KCNH7: variants seen among roughly 807,000 people sequenced by gnomAD.
KCNH7 encodes the protein voltage-gated inwardly rectifying potassium channel KCNH7.
A neutral mutation model predicts 120.8 loss-of-function variants in KCNH7; 49 were observed. The observed-to-expected ratio is 0.41, with a 90% CI of 0.32 to 0.51. The LOEUF is 0.51. Among genes scored for constraint, KCNH7 ranks in the 20% least tolerant of loss-of-function variants. The probability of loss-of-function intolerance (pLI) is 0.38; values close to 1 mark genes in which losing one functional copy is unlikely to be tolerated. For missense variants in KCNH7, 1,097 were observed against 1,446.6 expected, an observed-to-expected ratio of 0.76 and a Z score of 3.92; for synonymous variants, 547 against 516.1, an observed-to-expected ratio of 1.06 and a Z score of -0.81.
At chr2:162,775,437 T>A (rs1313397149) in intron 2 of KCNH7, among the ~76,000 whole-genome samples, 1 of 152,110 alleles carries the variant, frequency 6.6e-6, no homozygotes, top group Non-Finnish European at 1.5e-5. Flanking sequence ...CATTGATGAG[T>A]TGTGGTTTGG....
intron 2 of KCNH7, among the ~76,000 whole-genome samples, chr2:162,640,928 A>T (rs1385941571): frequency 6.6e-6 from 1 of 152,168 alleles, no homozygotes; most frequent in Non-Finnish European, 1.5e-5. Context: ...ACATGAAAAA[A>T]GTTCCACCTC....
At chr2:162,724,369 A>G (rs905516538) in intron 2 of KCNH7, among the ~76,000 whole-genome samples, 3 of 152,216 alleles carry the variant, frequency 2.0e-5, no homozygotes, top group African/African-American at 7.2e-5. Context: ...ACAAAATAGA[A>G]TAAACATAAG....
chr2:162,559,422 C>G (rs1182420238), intron 2 of KCNH7, among the ~76,000 whole-genome samples: 1 of 152,096 alleles, frequency 6.6e-6, no homozygotes, highest in Non-Finnish European at 1.5e-5. Context: ...TTAAATTATG[C>G]CAGAAACTGC....
intron 2 of KCNH7, among the ~76,000 whole-genome samples, chr2:162,681,049 T>C (rs1685693404): frequency 6.6e-6 from 1 of 151,854 alleles, no homozygotes; most frequent in African/African-American, 2.4e-5. Flanking sequence ...TAGTCTTTTA[T>C]ACGGTGATTA....
chr2:162,745,374 C>A (rs1214434803), intron 2 of KCNH7, among the ~76,000 whole-genome samples: 1 of 151,996 alleles, frequency 6.6e-6, no homozygotes, highest in African/African-American at 2.4e-5. Flanking sequence ...AATGTCTTTA[C>A]CTGAAGGCTT....
At chr2:162,672,822 C>A (rs74969484) in intron 2 of KCNH7, among the ~76,000 whole-genome samples, 3,278 of 151,820 alleles carry the variant, frequency 0.022, 136 homozygotes, top group African/African-American at 0.073. Flanking sequence ...TAGGCAAATT[C>A]TAGTATTTCA....
intron 2 of KCNH7, among the ~76,000 whole-genome samples, chr2:162,551,743 C>T (rs928399376): frequency 6.6e-6 from 1 of 152,054 alleles, no homozygotes; most frequent in Non-Finnish European, 1.5e-5. Flanking sequence ...ACTTAAAGTA[C>T]TCAAGGTATA....
chr2:162,442,228 G>A (rs902956206), intron 7 of KCNH7, among the ~76,000 whole-genome samples: 3 of 151,338 alleles, frequency 2.0e-5, no homozygotes, highest in Admixed American at 6.6e-5. Context: ...GGGTTTCACC[G>A]TGTTAGACAG....
intron 2 of KCNH7, among the ~76,000 whole-genome samples, chr2:162,758,624 T>C (rs1167449499): frequency 1.3e-5 from 2 of 152,114 alleles, no homozygotes; most frequent in African/African-American, 2.4e-5. Context: ...CACATATTTG[T>C]ATATACCCAT....
At chr2:162,769,604 CA>C (rs1413924182) in intron 2 of KCNH7, among the ~76,000 whole-genome samples, 1 of 151,880 alleles carries the variant, frequency 6.6e-6, no homozygotes, top group Non-Finnish European at 1.5e-5. Context: ...AGGAACAGAC[CA>C]CCTACCAACT....
intron 2 of KCNH7, among the ~76,000 whole-genome samples, chr2:162,824,300 T>G (rs1685211961): frequency 6.6e-6 from 1 of 152,150 alleles, no homozygotes; most frequent in Admixed American, 6.6e-5. Flanking sequence ...CTGCTTACTC[T>G]GGAAACATGA....
intron 2 of KCNH7, among the ~76,000 whole-genome samples, chr2:162,791,959 A>G (rs998724356): frequency 1.3e-5 from 2 of 152,018 alleles, no homozygotes; most frequent in African/African-American, 4.8e-5. Context: ...TATTCCTTCA[A>G]TACCTAATTT....
At chr2:162,831,463 G>T (rs1485579451) in intron 2 of KCNH7, among the ~76,000 whole-genome samples, 1 of 152,152 alleles carries the variant, frequency 6.6e-6, no homozygotes, top group Admixed American at 6.5e-5. Context: ...TTGGTGACCA[G>T]TTGGCTTTAG....
chr2:162,465,895 T>C (rs1177056142), intron 6 of KCNH7, among the ~76,000 whole-genome samples: 1 of 152,170 alleles, frequency 6.6e-6, no homozygotes, highest in African/African-American at 2.4e-5. Context: ...ACTTTTAAAC[T>C]CCATCATCAA....
intron 6 of KCNH7, among the ~76,000 whole-genome samples, chr2:162,450,345 G>A (rs914537923): frequency 2.0e-5 from 3 of 152,072 alleles, no homozygotes; most frequent in South Asian, 2.1e-4. Flanking sequence ...TAACAATGGA[G>A]TGTGTTTTGA....
Position 162,752,930 on chromosome 2 carries a change from A to AAAGAG in KCNH7, c.307+83606_307+83607insCTCTT, listed in dbSNP as rs1574343004. 4.7e-5 allele frequency among the ~76,000 whole-genome samples: 4 copies of AAAGAG among 84,254 alleles called. No individual in the cohort carries two copies. In the East Asian group the frequency reaches 2.1e-3, roughly 44 times the overall value. 55.3% of individuals were successfully genotyped at this position (84,254 alleles called of 152,430 possible). A position where few individuals can be genotyped will look rare whatever the true frequency, so the allele number is the denominator to read the frequency against. ...AAAGAAAAGAAAAGAAAAGAAAAGAAAAGAAAAGAAAAGAAAAGAAAAGAA... is the reference window on the plus strand; with the variant it reads ...AAAGAAAAGAAAAGAAAAGAAAAGAAAAGAGAAGAAAAGAAAAGAAAAGAAAAGAA... On this transcript the variant is annotated intron_variant, in intron 2 of 15. Coordinates refer to ENST00000332142, the MANE Select transcript of KCNH7 (RefSeq NM_033272.4).
intron 9 of KCNH7, among the ~76,000 whole-genome samples, chr2:162,411,760 A>T (rs1033010515): frequency 3.3e-5 from 5 of 151,734 alleles, no homozygotes; most frequent in African/African-American, 1.2e-4. Flanking sequence ...TAATTTTATT[A>T]TTTTTAATTA....
chr2:162,451,482 G>T (rs748471905), intron 6 of KCNH7, among the ~76,000 whole-genome samples: 4 of 152,088 alleles, frequency 2.6e-5, no homozygotes, highest in African/African-American at 7.2e-5. Flanking sequence ...TGTTACTTAT[G>T]ATTCTATGGA....
In KCNH7 at chr2:162,647,308, G is replaced by A. The variant is rs114432195; in HGVS notation, c.308-110228C>T. On this transcript the variant is annotated intron_variant, in intron 2 of 15. Transcript: ENST00000332142. Reference sequence around the variant, plus strand: ...GTGTGTATGTGTTCCAGTGTGTTTTGTGGGAATAGTTATACTTAATAGCTA... The same window carrying A: ...GTGTGTATGTGTTCCAGTGTGTTTTATGGGAATAGTTATACTTAATAGCTA... Among the ~76,000 whole-genome samples the A allele has an allele frequency of 6.4e-3, 980 of 152,248 alleles. 11 individuals carry two copies. The highest frequency in any genetic ancestry group is 0.022 in the African/African-American group (930 of 41,552).
Sources: allele counts gnomAD v4.1 joint callset (sites outside exome capture counted in the v4.1 genomes callset), GRCh38; gene constraint gnomAD v4.1.1; transcripts MANE v1.5; gene names NCBI Gene and HGNC (gene_info 2026-07-23, HGNC 2026-07-21).